Variants in PWWP2B observed in about 807,000 individuals in gnomAD.
PWWP2B encodes PWWP domain containing 2B.
Under a neutral mutation model 15.5 loss-of-function variants are expected in PWWP2B, and 9 were observed. The observed-to-expected ratio is 0.58, with a 90% CI of 0.35 to 1.02. The LOEUF (loss-of-function observed/expected upper bound fraction) is 1.02. Among genes scored for constraint, PWWP2B ranks in the 50% least tolerant of loss-of-function variants. The pLI is 0.02. For missense variants in PWWP2B, 864 were observed against 865.3 expected (o/e 1.00, Z 0.02); for synonymous variants, 474 against 403.6 (o/e 1.17, Z -2.09).
In PWWP2B at chr10:132,405,892, G is replaced by T. The variant is rs371974972; in HGVS notation, c.1392G>T (p.Thr464=). 1 of 1,611,410 alleles carries T rather than the reference G, an allele frequency of 6.2e-7. No individual in the cohort carries two copies. Among genetic ancestry groups the T allele is most frequent in the South Asian group, 1.1e-5 (1 of 91,062 alleles). ...APSVSREARQ[T]VPPLTVRLHT... Reference sequence around the variant, plus strand: ...CGGTGTCCAGAGAGGCTCGCCAAACGGTGCCGCCCCTGACGGTCAGGCTGC... The same window carrying T: ...CGGTGTCCAGAGAGGCTCGCCAAACTGTGCCGCCCCTGACGGTCAGGCTGC... Residue 464 remains threonine, a synonymous_variant, in exon 2 of 3, where the codon ACG becomes ACT. Transcript: ENST00000305233.
At chr10:132,399,864 G>A (rs1374641497) in intron 1 of PWWP2B, among the ~76,000 whole-genome samples, 3 of 152,220 alleles carry the variant, frequency 2.0e-5, no homozygotes, top group Non-Finnish European at 4.4e-5. Flanking sequence ...GTGCGGAAGG[G>A]CTGGCCTGCC....
Position 132,406,249 on chromosome 10 carries a change from G to A in PWWP2B, c.1749G>A (p.Glu583=), listed in dbSNP as rs561884264. 3 of 1,611,164 alleles carry A rather than the reference G, an allele frequency of 1.9e-6. No homozygotes were observed. In the African/African-American group the frequency reaches 4.0e-5, roughly 21 times the overall value. Reference sequence around the variant, plus strand: ...GACACGTGGCCCCGGAAATCAGGGAGCTCTTAACCCAGTTTGAAACGTAAC... The same window carrying A: ...GACACGTGGCCCCGGAAATCAGGGAACTCTTAACCCAGTTTGAAACGTAAC... The part of the protein sequence containing the change: ...AARHVAPEIR[E]LLTQFET The change falls in exon 2 of 3, where the codon GAG becomes GAA. Residue 583 remains glutamate (E), a synonymous_variant. Transcript: ENST00000305233.
rs747291367 is a variant in PWWP2B at position 132,404,958 on chromosome 10, G to A, written c.458G>A (p.Arg153Gln). The change falls in exon 2 of 3, where the codon CGG becomes CAG. Residue 153 changes from arginine (R) to glutamine (Q), a missense_variant. Coordinates refer to ENST00000305233, the MANE Select transcript of PWWP2B (RefSeq NM_138499.4). ...PPPRTIKRTRRRLSRNRDPGR... is the reference protein window; with the variant it reads ...PPPRTIKRTRQRLSRNRDPGR... Reference sequence around the variant, plus strand: ...CCCAGGACCATCAAGCGCACGCGGCGGCGTCTGTCCCGCAACCGCGACCCG... The same window carrying A: ...CCCAGGACCATCAAGCGCACGCGGCAGCGTCTGTCCCGCAACCGCGACCCG... 23 of 1,591,198 alleles carry A rather than the reference G, an allele frequency of 1.4e-5. No homozygotes were observed. The highest frequency in any genetic ancestry group is 3.3e-5 in the South Asian group (3 of 90,582).
Position 132,408,675 on chromosome 10 carries a change from G to A in PWWP2B, c.*16+2386G>A, listed in dbSNP as rs551039901. On this transcript the variant is annotated intron_variant, in intron 2 of 2. Coordinates refer to ENST00000305233, the MANE Select transcript of PWWP2B (RefSeq NM_138499.4). Reference sequence around the variant, plus strand: ...TGTCAGAAGCTTCCTGAGGTTTGTGGGTGTCTGCTGCCTGAGGCACTTGTC... The same window carrying A: ...TGTCAGAAGCTTCCTGAGGTTTGTGAGTGTCTGCTGCCTGAGGCACTTGTC... Among the ~76,000 whole-genome samples the A allele has an allele frequency of 1.1e-3, 160 of 152,376 alleles. 1 individual carries two copies. Among genetic ancestry groups the A allele is most frequent in the Admixed American group, 2.5e-3 (39 of 15,308 alleles).
rs1365368314 is a variant in PWWP2B at position 132,417,589 on chromosome 10, C to T, written c.*545C>T. 6.4e-6 allele frequency: 1 copy of T among 156,916 alleles called. No individual in the cohort carries two copies. The highest frequency in any genetic ancestry group is 1.4e-5 in the Non-Finnish European group (1 of 70,878). The allele number at this position is 156,916 out of a possible 1,614,324, so 9.7% of individuals were successfully genotyped here. A position where few individuals can be genotyped will look rare whatever the true frequency, so the allele number is the denominator to read the frequency against. On this transcript the variant is annotated 3_prime_UTR_variant, in exon 3 of 3. Transcript: ENST00000305233. ...CTTCCCCAGCCCTTGGGTGCGGGGT[C>T]TCTGTGCACTTGAGAGCTGGGGGAC...
chr10:132,397,327 G>A lies in PWWP2B; in HGVS notation c.101G>A (p.Gly34Glu). The A allele has an allele frequency of 7.0e-7, 1 of 1,428,958 alleles. No homozygotes were observed. 88.5% of individuals were successfully genotyped at this position (1,428,958 alleles called of 1,614,324 possible). A position where few individuals can be genotyped will look rare whatever the true frequency, so the allele number is the denominator to read the frequency against. The change falls in exon 1 of 3, where the codon GGG (glycine) becomes GAG (glutamate). Residue 34 changes from glycine (G) to glutamate (E), a missense_variant. By Grantham distance (98) the Gly-to-Glu change is moderately conservative (BLOSUM62 -2). Around this residue, in one of 2 missense-constraint regions of PWWP2B, gnomAD observed 736 missense variants for 687.7 expected, o/e 1.07. Transcript: ENST00000305233. ...AGCTGCGGCGAGCGGAGCTTCGCGG[G>A]GATCCTGCTGGACTGCACGAAAAAG... ...TVSCGERSFA[G>E]ILLDCTKKSG...
rs561859002 is a variant in PWWP2B at position 132,405,856 on chromosome 10, G to A, written c.1356G>A (p.Ala452=). 2.9e-5 allele frequency: 47 copies of A among 1,611,198 alleles called. No homozygotes were observed. The highest frequency in any genetic ancestry group is 1.1e-4 in the East Asian group (5 of 44,828). ...DTGDLSPGHG[A]SAPSVSREAR... ...GTGACCTCTCGCCTGGCCACGGCGC[G>A]TCAGCGCCCTCGGTGTCCAGAGAGG... is the stretch of plus-strand genomic sequence containing the variant. The change falls in exon 2 of 3, where the codon GCG becomes GCA. Residue 452 remains alanine (A), a synonymous_variant. Coordinates refer to ENST00000305233, the MANE Select transcript of PWWP2B (RefSeq NM_138499.4).
At chr10:132,409,368 G>A (rs2069746922) in intron 2 of PWWP2B, among the ~76,000 whole-genome samples, 1 of 152,204 alleles carries the variant, frequency 6.6e-6, no homozygotes, top group Non-Finnish European at 1.5e-5. Flanking sequence ...CTGTGCCTGG[G>A]AGCAGCCTCC....
chr10:132,404,361 C>T (rs1590758363), intron 1 of PWWP2B, among the ~76,000 whole-genome samples: 3 of 152,164 alleles, frequency 2.0e-5, no homozygotes, highest in Non-Finnish European at 4.4e-5. Flanking sequence ...GGGCCTGTCT[C>T]TGGCCAGGGA....
Position 132,417,189 on chromosome 10 carries a change from C to A in PWWP2B, c.*145C>A. On this transcript the variant is annotated 3_prime_UTR_variant, in exon 3 of 3. Coordinates refer to ENST00000305233, the MANE Select transcript of PWWP2B (RefSeq NM_138499.4). ...GTGGTCGGCCTGGTGTGAGGCCCCC[C>A]GGGGACCGGCAGTGTGTCCAGGGAG... The A allele has an allele frequency of 1.6e-6, 2 of 1,218,682 alleles. No individual in the cohort carries two copies. Among genetic ancestry groups the A allele is most frequent in the Non-Finnish European group, 2.4e-6 (2 of 827,968 alleles). The allele number at this position is 1,218,682 out of a possible 1,614,324, so 75.5% of individuals were successfully genotyped here.
intron 1 of PWWP2B, among the ~76,000 whole-genome samples, chr10:132,403,255 C>T (rs1240400801): frequency 2.6e-5 from 4 of 152,188 alleles, no homozygotes; most frequent in African/African-American, 9.6e-5. Context: ...CATCCCCTCA[C>T]AGGCCCCAAG....
intron 1 of PWWP2B, among the ~76,000 whole-genome samples, chr10:132,403,759 G>A (rs574327564): frequency 4.6e-5 from 7 of 151,270 alleles, no homozygotes; most frequent in African/African-American, 7.3e-5. Flanking sequence ...TGTGGCAGCC[G>A]CGGGGCCTTA....
chr10:132,409,962 C>T (rs542054679), intron 2 of PWWP2B, among the ~76,000 whole-genome samples: 5 of 151,820 alleles, frequency 3.3e-5, no homozygotes, highest in African/African-American at 9.7e-5. Flanking sequence ...CCAGGGGTTG[C>T]GGAGGTGGTC....
At chr10:132,398,527 A>G (rs1217786135) in intron 1 of PWWP2B, among the ~76,000 whole-genome samples, 1 of 152,096 alleles carries the variant, frequency 6.6e-6, no homozygotes, top group Non-Finnish European at 1.5e-5. Flanking sequence ...GACCTGCACC[A>G]CCTTGCCTGG....
At chr10:132,410,148 G>A (rs549632746) in intron 2 of PWWP2B, among the ~76,000 whole-genome samples, 3 of 152,268 alleles carry the variant, frequency 2.0e-5, no homozygotes, top group Admixed American at 6.5e-5. Context: ...GGAGAGTGAC[G>A]GGGGACGGGG....
chr10:132,408,141 C>A (rs1018450113), intron 2 of PWWP2B, among the ~76,000 whole-genome samples: 8 of 152,224 alleles, frequency 5.3e-5, no homozygotes, highest in African/African-American at 1.9e-4. Flanking sequence ...CCGGGACCAG[C>A]CCCCTGCTCT....
chr10:132,403,106 G>A (rs1391527703), intron 1 of PWWP2B, among the ~76,000 whole-genome samples: 7 of 152,240 alleles, frequency 4.6e-5, no homozygotes, highest in Non-Finnish European at 8.8e-5. Context: ...GGCCCAGCCC[G>A]CACTCCAGAG....
At chr10:132,397,860 C>G (rs1392124404) in intron 1 of PWWP2B, among the ~76,000 whole-genome samples, 1 of 152,142 alleles carries the variant, frequency 6.6e-6, no homozygotes, top group Non-Finnish European at 1.5e-5. Context: ...GATTTAAGAA[C>G]AGTTTCAGGC....
chr10:132,399,807 G>A (rs1029777542), intron 1 of PWWP2B, among the ~76,000 whole-genome samples: 3 of 152,240 alleles, frequency 2.0e-5, no homozygotes, highest in African/African-American at 7.2e-5. Flanking sequence ...GATCTTGGGT[G>A]GGGTGGCCCT....
Sources: allele counts gnomAD v4.1 joint callset (sites outside exome capture counted in the v4.1 genomes callset), GRCh38; gene constraint gnomAD v4.1.1; regional missense constraint gnomAD v4.1.1; transcripts MANE v1.5; gene names NCBI Gene and HGNC (gene_info 2026-07-23, HGNC 2026-07-21).